PDE4D: variants seen among roughly 807,000 people sequenced by gnomAD.
The protein encoded by PDE4D is phosphodiesterase 4D.
Under a neutral mutation model 87.4 loss-of-function variants are expected in PDE4D, and 24 were observed. That is an observed-to-expected ratio of 0.27 (90% confidence interval 0.20 to 0.39). PDE4D has a LOEUF of 0.39. Ranked by LOEUF, PDE4D falls within the 10% of genes least tolerant of loss-of-function variation. The probability of loss-of-function intolerance (pLI) is 1.00; values close to 1 mark genes in which losing one functional copy is unlikely to be tolerated. For synonymous variants in PDE4D, 384 were observed against 383.2 expected (o/e 1.00, Z -0.02); for missense variants, 714 against 1,041.0 (o/e 0.69, Z 4.32).
At chr5:59,686,772 C>T (rs940080884) in intron 1 of PDE4D, among the ~76,000 whole-genome samples, 4 of 152,078 alleles carry the variant, frequency 2.6e-5, no homozygotes, top group African/African-American at 9.7e-5. Flanking sequence ...TTTTAATCTG[C>T]TGATTATTTG....
chr5:60,006,748 GTA>G (rs1764535772), intron 2 of PDE4D, among the ~76,000 whole-genome samples: 1 of 151,874 alleles, frequency 6.6e-6, no homozygotes, highest in Non-Finnish European at 1.5e-5. Flanking sequence ...CAACCATTAA[GTA>G]TCCATTAACC....
intron 1 of PDE4D, among the ~76,000 whole-genome samples, chr5:60,277,070 T>C (rs1397286858): frequency 6.6e-6 from 1 of 151,934 alleles, no homozygotes; most frequent in Non-Finnish European, 1.5e-5. Flanking sequence ...GTGCCTTTAT[T>C]TTTATTTTTT....
At chr5:60,236,851 C>T (rs150473609) in intron 1 of PDE4D, among the ~76,000 whole-genome samples, 1 of 151,926 alleles carries the variant, frequency 6.6e-6, no homozygotes, top group South Asian at 2.1e-4. Context: ...TCCCTTACAA[C>T]CTGCAGAAAG....
chr5:59,920,770 A>G (rs895272738), intron 3 of PDE4D, among the ~76,000 whole-genome samples: 12 of 151,756 alleles, frequency 7.9e-5, no homozygotes, highest in Admixed American at 1.3e-4. Flanking sequence ...ACAGAAAACC[A>G]AACACTGCAT....
chr5:59,393,307 C>T (rs145837708), intron 1 of PDE4D, among the ~76,000 whole-genome samples: 338 of 152,154 alleles, frequency 2.2e-3, no homozygotes, highest in African/African-American at 7.7e-3. Context: ...ATACTGCCTA[C>T]GTAAAGGCAC....
At chr5:59,688,634 A>T (rs1750335318) in intron 1 of PDE4D, among the ~76,000 whole-genome samples, 1 of 152,238 alleles carries the variant, frequency 6.6e-6, no homozygotes, top group African/African-American at 2.4e-5. Flanking sequence ...TCTAAAATTG[A>T]CACCCTAACA....
chr5:59,851,233 C>T (rs1247143543), intron 1 of PDE4D, among the ~76,000 whole-genome samples: 1 of 152,036 alleles, frequency 6.6e-6, no homozygotes, highest in Non-Finnish European at 1.5e-5. Flanking sequence ...CCTCCAGCCC[C>T]AGTCAAGCCT....
chr5:59,267,628 A>T (rs557810496), intron 1 of PDE4D, among the ~76,000 whole-genome samples: 6 of 152,246 alleles, frequency 3.9e-5, no homozygotes, highest in African/African-American at 1.4e-4. Context: ...CATAAAGAAG[A>T]ATTGGTTTAT....
chr5:59,364,274 C>T (rs1782692788), intron 1 of PDE4D, among the ~76,000 whole-genome samples: 1 of 152,136 alleles, frequency 6.6e-6, no homozygotes, highest in African/African-American at 2.4e-5. Context: ...TCTACTGGTT[C>T]AGTGGAGTTA....
chr5:60,486,363 T>C (rs1433198083), intron 1 of PDE4D, among the ~76,000 whole-genome samples: 1 of 152,216 alleles, frequency 6.6e-6, no homozygotes, highest in Non-Finnish European at 1.5e-5. Context: ...CTCATTATAC[T>C]GTTTCTTCAT....
chr5:59,984,532 CAAAAG>C (rs1210777099), intron 3 of PDE4D, among the ~76,000 whole-genome samples: 1 of 152,116 alleles, frequency 6.6e-6, no homozygotes, highest in Non-Finnish European at 1.5e-5. Context: ...TGGGCATACT[CAAAAG>C]AAATTGTTAA....
chr5:59,969,679 C>G (rs1188725786), intron 3 of PDE4D, among the ~76,000 whole-genome samples: 2 of 152,108 alleles, frequency 1.3e-5, no homozygotes, highest in African/African-American at 4.8e-5. Context: ...GGACAGTTAC[C>G]TCCATACTGT....
intron 1 of PDE4D, among the ~76,000 whole-genome samples, chr5:60,439,551 A>G (rs1476552939): frequency 6.6e-6 from 1 of 152,162 alleles, no homozygotes; most frequent in East Asian, 1.9e-4. Context: ...TATCTGCTAT[A>G]TGAAACCTTC....
At chr5:59,421,925 A>G (rs1794546805) in intron 1 of PDE4D, among the ~76,000 whole-genome samples, 1 of 152,198 alleles carries the variant, frequency 6.6e-6, no homozygotes, top group Admixed American at 6.5e-5. Flanking sequence ...CAGACAAAGC[A>G]CCAGACACAT....
intron 1 of PDE4D, among the ~76,000 whole-genome samples, chr5:59,855,483 G>T (rs1745293631): frequency 6.6e-6 from 1 of 152,134 alleles, no homozygotes; most frequent in South Asian, 2.1e-4. Flanking sequence ...AAGGGAACTT[G>T]TGAAAATCCA....
chr5:59,572,772 G>A, intron 1 of PDE4D, among the ~76,000 whole-genome samples: 1 of 152,150 alleles, frequency 6.6e-6, no homozygotes, highest in East Asian at 1.9e-4. Flanking sequence ...GAGCCACCAC[G>A]CCCGGCCGCT....
At chr5:60,386,386 T>C (rs1328891622) in intron 1 of PDE4D, among the ~76,000 whole-genome samples, 19 of 152,226 alleles carry the variant, frequency 1.2e-4, no homozygotes, top group Non-Finnish European at 4.4e-5. Flanking sequence ...CATTCATGGA[T>C]ATTTTGTGAC....
intron 1 of PDE4D, among the ~76,000 whole-genome samples, chr5:59,615,022 G>A (rs183140411): frequency 3.1e-3 from 467 of 152,098 alleles, no homozygotes; most frequent in African/African-American, 0.011. Flanking sequence ...TAGAGACAGG[G>A]TTTTGCCATG....
intron 5 of PDE4D, among the ~76,000 whole-genome samples, chr5:59,137,728 G>A (rs1039232695): frequency 8.6e-5 from 13 of 152,046 alleles, no homozygotes; most frequent in Non-Finnish European, 1.6e-4. Context: ...GGGTTTCACC[G>A]TATTAACCAG....
Sources: allele counts gnomAD v4.1 joint callset (sites outside exome capture counted in the v4.1 genomes callset), GRCh38; gene constraint gnomAD v4.1.1; transcripts MANE v1.5; gene names NCBI Gene and HGNC (gene_info 2026-07-23, HGNC 2026-07-21).